Variants in SCAPER observed in about 807,000 individuals in gnomAD.
SCAPER encodes the protein S-phase cyclin A associated protein in the ER.
SCAPER carries 98 observed loss-of-function variants against 182.2 expected under a neutral mutation model. The observed-to-expected ratio is 0.54, with a 90% CI of 0.46 to 0.64. The LOEUF (loss-of-function observed/expected upper bound fraction) is 0.64, where lower values mean the gene tolerates loss of function less well. Among genes scored for constraint, SCAPER ranks in the 30% least tolerant of loss-of-function variants. The pLI is 0.00. For missense variants in SCAPER, 1,432 were observed against 1,690.0 expected (o/e 0.85, Z 2.68); for synonymous variants, 605 against 564.6 (o/e 1.07, Z -1.01).
intron 23 of SCAPER, among the ~76,000 whole-genome samples, chr15:76,513,431 A>T (rs938717573): frequency 5.9e-5 from 9 of 152,202 alleles, no homozygotes; most frequent in Non-Finnish European, 2.9e-5. Flanking sequence ...GAAAGGGAAA[A>T]TCAAGCTGTC....
chr15:76,607,216 T>C (rs1163978360), intron 22 of SCAPER, among the ~76,000 whole-genome samples: 3 of 152,236 alleles, frequency 2.0e-5, no homozygotes, highest in Non-Finnish European at 4.4e-5. Flanking sequence ...GGCCTGGTGG[T>C]GACAAAATCT....
intron 24 of SCAPER, chr15:76,498,336 A>C (rs1268948383): frequency 6.6e-6 from 1 of 152,126 alleles, no homozygotes; most frequent in Admixed American, 6.5e-5. Flanking sequence ...GCCCTAGATT[A>C]TTTACCTGCT....
At chr15:76,752,667 A>G (rs952576737) in intron 15 of SCAPER, among the ~76,000 whole-genome samples, 38 of 151,926 alleles carry the variant, frequency 2.5e-4, no homozygotes, top group African/African-American at 8.7e-4. Flanking sequence ...AGAGGTACTT[A>G]CAGTAGTCAA....
intron 21 of SCAPER, among the ~76,000 whole-genome samples, chr15:76,657,634 A>G (rs2055774203): frequency 6.6e-6 from 1 of 151,278 alleles, no homozygotes; most frequent in Admixed American, 6.6e-5. Flanking sequence ...AACACAGGCC[A>G]TTATTCATGA....
At position 76,603,019 on chromosome 15, in the gene SCAPER, T is replaced by C. The variant is rs549486724; in HGVS notation, c.2711+18745A>G. ...TTTGGATCCTCAATAGTTTTTATTT[T>C]ATTTATTTATTTACTTAATTTTATT... is the stretch of plus-strand genomic sequence containing the variant. On this transcript the variant is annotated intron_variant, in intron 22 of 31. Coordinates refer to ENST00000563290, the MANE Select transcript of SCAPER (RefSeq NM_020843.4). 6.3e-4 allele frequency among the ~76,000 whole-genome samples: 73 copies of C among 116,202 alleles called. 10 individuals are homozygous for C. The highest frequency in any genetic ancestry group is 1.8e-3 in the African/African-American group (69 of 38,668). 76.2% of individuals were successfully genotyped at this position (116,202 alleles called of 152,430 possible).
At chr15:76,518,432 C>A (rs1353343811) in intron 23 of SCAPER, among the ~76,000 whole-genome samples, 1 of 151,998 alleles carries the variant, frequency 6.6e-6, no homozygotes, top group African/African-American at 2.4e-5. Context: ...AGATGAGGCA[C>A]AAGGAAAGTC....
At chr15:76,628,352 C>G (rs544762466) in intron 21 of SCAPER, among the ~76,000 whole-genome samples, 1 of 152,104 alleles carries the variant, frequency 6.6e-6, no homozygotes, top group African/African-American at 2.4e-5. Flanking sequence ...AATCTTTGCC[C>G]GTGCCTATGT....
intron 5 of SCAPER, among the ~76,000 whole-genome samples, chr15:76,813,227 T>TAAA (rs746891532): frequency 0.012 from 208 of 17,172 alleles, 3 homozygotes; most frequent in East Asian, 0.053. Flanking sequence ...ATCCTTTCAC[T>TAAA]AAAAAAAAAA....
intron 17 of SCAPER, among the ~76,000 whole-genome samples, chr15:76,707,309 A>G (rs1354706059): frequency 6.6e-6 from 1 of 152,114 alleles, no homozygotes. Flanking sequence ...ATGAGAATCG[A>G]CTAAACATTC....
chr15:76,498,529 T>A (rs1287898300), intron 24 of SCAPER: 1 of 152,210 alleles, frequency 6.6e-6, no homozygotes, highest in Admixed American at 6.5e-5. Flanking sequence ...TTGAAAAGAA[T>A]AAACACTCTT....
At chr15:76,477,591 G>A (rs1567222458) in intron 24 of SCAPER, among the ~76,000 whole-genome samples, 1 of 151,552 alleles carries the variant, frequency 6.6e-6, no homozygotes, top group East Asian at 1.9e-4. Flanking sequence ...CTGCCCTCCA[G>A]AAAAAAAATT....
Position 76,472,387 on chromosome 15 carries a change from A to C in SCAPER, c.2955-1052T>G, listed in dbSNP as rs543107362. ...AAGTGAAGCGTGTGCATTTTTGGTG[A>C]CTGTGTACTTCTGGTGACTGTATAG... On this transcript the variant is annotated intron_variant, in intron 24 of 31. Transcript: ENST00000563290. 734 of 704,912 alleles carry C rather than the reference A, an allele frequency of 1.0e-3. 1 individual carries two copies. The highest frequency in any genetic ancestry group is 1.3e-3 in the Non-Finnish European group (513 of 386,928). 43.7% of individuals were successfully genotyped at this position (704,912 alleles called of 1,614,324 possible).
At position 76,883,796 on chromosome 15, in the gene SCAPER, TTAAGA is replaced by T; in HGVS notation, c.6+11_6+15del. 6.6e-7 allele frequency: 1 copy of T among 1,516,606 alleles called. No homozygotes were observed. 93.9% of individuals were successfully genotyped at this position (1,516,606 alleles called of 1,614,324 possible). A position where few individuals can be genotyped will look rare whatever the true frequency, so the allele number is the denominator to read the frequency against. On this transcript the variant is annotated intron_variant, in intron 2 of 31. Transcript: ENST00000563290. ...AAGGCAAAAAAACTAAGGCTAGTCTTTAAGATATCACTTACCATCATTCTTTAAAT... is the reference window on the plus strand; with the variant it reads ...AAGGCAAAAAAACTAAGGCTAGTCTTTATCACTTACCATCATTCTTTAAAT...
At chr15:76,554,909 T>A (rs544899569) in intron 23 of SCAPER, among the ~76,000 whole-genome samples, 1 of 151,882 alleles carries the variant, frequency 6.6e-6, no homozygotes, top group African/African-American at 2.4e-5. Flanking sequence ...AGCCTCCTGA[T>A]AGCTGGGATT....
intron 5 of SCAPER, among the ~76,000 whole-genome samples, chr15:76,836,493 G>A (rs2068963457): frequency 6.6e-6 from 1 of 152,176 alleles, no homozygotes; most frequent in South Asian, 2.1e-4. Context: ...AAATGGTGCT[G>A]GGATAACTAG....
chr15:76,759,783 T>C (rs1403050457), intron 14 of SCAPER, among the ~76,000 whole-genome samples: 1 of 152,170 alleles, frequency 6.6e-6, no homozygotes, highest in Non-Finnish European at 1.5e-5. Context: ...TTTTAGTATA[T>C]TTCACCATAC....
At chr15:76,888,415 T>C (rs2073975911) in intron 1 of SCAPER, among the ~76,000 whole-genome samples, 1 of 151,984 alleles carries the variant, frequency 6.6e-6, no homozygotes, top group South Asian at 2.1e-4. Flanking sequence ...GCAAGGAAGC[T>C]CAAAAACCTT....
At chr15:76,550,919 G>T (rs1443851257) in intron 23 of SCAPER, among the ~76,000 whole-genome samples, 1 of 152,052 alleles carries the variant, frequency 6.6e-6, no homozygotes, top group East Asian at 1.9e-4. Flanking sequence ...TTTCTCAAAA[G>T]ATGACGTACA....
At chr15:76,493,069 C>T (rs933354439) in intron 24 of SCAPER, among the ~76,000 whole-genome samples, 2 of 151,970 alleles carry the variant, frequency 1.3e-5, no homozygotes, top group African/African-American at 4.8e-5. Context: ...TAGGGAGAAC[C>T]ACCATGCTGC....
Sources: allele counts gnomAD v4.1 joint callset (sites outside exome capture counted in the v4.1 genomes callset), GRCh38; gene constraint gnomAD v4.1.1; transcripts MANE v1.5; gene names NCBI Gene and HGNC (gene_info 2026-07-23, HGNC 2026-07-21).